TMTC1: variants seen among roughly 807,000 people sequenced by gnomAD.
TMTC1 encodes protein O-mannosyl-transferase TMTC1.
Under a neutral mutation model 104.8 loss-of-function variants are expected in TMTC1, and 73 were observed. The ratio of observed to expected loss-of-function variants is 0.70; its 90% CI spans 0.58 to 0.85. The LOEUF is 0.85. Ranked by LOEUF, TMTC1 falls within the 40% of genes least tolerant of loss-of-function variation. The probability of loss-of-function intolerance (pLI) is 0.00; values close to 1 mark genes in which losing one functional copy is unlikely to be tolerated. For missense variants in TMTC1, 1,035 were observed against 1,096.1 expected (o/e 0.94, Z 0.79); for synonymous variants, 434 against 428.7 (o/e 1.01, Z -0.15).
At chr12:29,728,588 G>T (rs190820020) in intron 5 of TMTC1, among the ~76,000 whole-genome samples, 1 of 152,186 alleles carries the variant, frequency 6.6e-6, no homozygotes, top group African/African-American at 2.4e-5. Context: ...GTCACACAAA[G>T]CAGATGAGCA....
chr12:29,529,478 A>G (rs1944438854), intron 11 of TMTC1, among the ~76,000 whole-genome samples: 1 of 152,230 alleles, frequency 6.6e-6, no homozygotes, highest in African/African-American at 2.4e-5. Flanking sequence ...TATTAGCCAA[A>G]TGGCTTTATT....
At chr12:29,517,386 G>A in intron 14 of TMTC1, 41 bp downstream of exon 14, 4 of 1,612,142 alleles carry the variant, frequency 2.5e-6, no homozygotes, top group Non-Finnish European at 3.4e-6. Flanking sequence ...ATGGCTGCCT[G>A]TGCTTAGGTT....
chr12:29,541,671 T>C (rs1220897617), intron 10 of TMTC1, among the ~76,000 whole-genome samples: 2 of 148,942 alleles, frequency 1.3e-5, no homozygotes, highest in Non-Finnish European at 3.0e-5. Context: ...TTTTTTTTTT[T>C]TTTTTGAGAC....
intron 9 of TMTC1, among the ~76,000 whole-genome samples, chr12:29,564,767 C>G (rs972224222): frequency 1.3e-5 from 2 of 152,124 alleles, no homozygotes; most frequent in Non-Finnish European, 2.9e-5. Flanking sequence ...AGGAGGAAAA[C>G]AAGAGATACA....
chr12:29,744,991 T>C (rs1355095474), intron 5 of TMTC1, among the ~76,000 whole-genome samples: 3 of 152,138 alleles, frequency 2.0e-5, no homozygotes, highest in South Asian at 4.1e-4. Flanking sequence ...AGTGGTGTGA[T>C]CATGGCTCAC....
intron 5 of TMTC1, among the ~76,000 whole-genome samples, chr12:29,642,464 A>T (rs1272517647): frequency 6.6e-6 from 1 of 152,188 alleles, no homozygotes; most frequent in African/African-American, 2.4e-5. Flanking sequence ...AACAATTATC[A>T]GTGAAGAATA....
chr12:29,687,260 GACAA>G (rs374893122), intron 5 of TMTC1, among the ~76,000 whole-genome samples: 1 of 152,060 alleles, frequency 6.6e-6, no homozygotes, highest in African/African-American at 2.4e-5. Context: ...ATGAGTAGTG[GACAA>G]ACAGACACTT....
intron 7 of TMTC1, among the ~76,000 whole-genome samples, chr12:29,596,554 A>C (rs765800714): frequency 1.3e-5 from 2 of 152,204 alleles, no homozygotes; most frequent in Non-Finnish European, 2.9e-5. Flanking sequence ...GCTGAAACTA[A>C]AGAATAATTG....
At chr12:29,599,986 G>GTGTGTATACATATATA (rs1565699720) in intron 7 of TMTC1, among the ~76,000 whole-genome samples, 17 of 99,114 alleles carry the variant, frequency 1.7e-4, no homozygotes, top group African/African-American at 1.1e-3. Flanking sequence ...GTGTGTGTGT[G>GTGTGTATACATATATA]TATATACATA....
chr12:29,729,005 A>G (rs1008289322), intron 5 of TMTC1, among the ~76,000 whole-genome samples: 1 of 150,482 alleles, frequency 6.6e-6, no homozygotes, highest in African/African-American at 2.4e-5. Flanking sequence ...CTCCAAAAAA[A>G]AAAAAAAAAA....
rs1057478797 is a variant in TMTC1 at position 29,596,285 on chromosome 12, G to T, written c.1250+7893C>A. Among the ~76,000 whole-genome samples the T allele has an allele frequency of 2.6e-5, 4 of 152,200 alleles. No homozygotes were observed. The South Asian group carries it at 6.2e-4, about 24-fold the overall frequency. ...GCCTCCCAAAGTGCTGGGATTACAG[G>T]TGTGACCCACTGTGCCTGGCTGACG... On this transcript the variant is annotated intron_variant, in intron 7 of 17. Transcript: ENST00000539277.
intron 6 of TMTC1, among the ~76,000 whole-genome samples, chr12:29,613,283 C>G (rs938125187): frequency 6.6e-6 from 1 of 152,180 alleles, no homozygotes; most frequent in Non-Finnish European, 1.5e-5. Flanking sequence ...AGGACCCCCA[C>G]CTGACACCCA....
chr12:29,609,477 A>G (rs1946787505), intron 6 of TMTC1, among the ~76,000 whole-genome samples: 1 of 152,198 alleles, frequency 6.6e-6, no homozygotes, highest in African/African-American at 2.4e-5. Flanking sequence ...TTCCTGGCAC[A>G]ACACCCCTAC....
intron 9 of TMTC1, among the ~76,000 whole-genome samples, chr12:29,565,763 C>G (rs1945494628): frequency 6.6e-6 from 1 of 152,176 alleles, no homozygotes; most frequent in South Asian, 2.1e-4. Context: ...AAGAGAATCT[C>G]TTGTACCCAG....
chr12:29,741,822 C>A (rs530986189), intron 5 of TMTC1, among the ~76,000 whole-genome samples: 2 of 152,142 alleles, frequency 1.3e-5, no homozygotes, highest in Non-Finnish European at 2.9e-5. Flanking sequence ...GTCTGGAGAT[C>A]GGCACCCAAT....
rs551724234 is a variant in TMTC1, at chr12:29,624,415, A to G, written c.1128+8732T>C. 3.3e-5 allele frequency among the ~76,000 whole-genome samples: 5 copies of G among 152,338 alleles called. No homozygotes were observed. In the South Asian group the frequency reaches 8.3e-4, roughly 25 times the overall value. ...AAAGGAAAGTAGGCGAAGGCTTAAAAAGATAGAGGTTTGATACTGTGTGTG... is the reference window on the plus strand; with the variant it reads ...AAAGGAAAGTAGGCGAAGGCTTAAAGAGATAGAGGTTTGATACTGTGTGTG... On this transcript the variant is annotated intron_variant, in intron 6 of 17. Transcript: ENST00000539277.
At chr12:29,510,031 T>C (rs931501647) in intron 17 of TMTC1, among the ~76,000 whole-genome samples, 8 of 152,204 alleles carry the variant, frequency 5.3e-5, no homozygotes, top group Admixed American at 2.6e-4. Context: ...ATTGAGCACA[T>C]TGCAGTTGTT....
intron 15 of TMTC1, 71 bp downstream of exon 15, chr12:29,516,277 TG>T: frequency 6.6e-7 from 1 of 1,524,486 alleles, no homozygotes; most frequent in Non-Finnish European, 8.9e-7. Flanking sequence ...ACACGCAAAC[TG>T]GAGAATCACT....
At chr12:29,742,292 T>C (rs988234855) in intron 5 of TMTC1, among the ~76,000 whole-genome samples, 1 of 152,182 alleles carries the variant, frequency 6.6e-6, no homozygotes, top group East Asian at 1.9e-4. Flanking sequence ...AAATTATATA[T>C]ATTAATTGCC....
Sources: allele counts gnomAD v4.1 joint callset (sites outside exome capture counted in the v4.1 genomes callset), GRCh38; gene constraint gnomAD v4.1.1; transcripts MANE v1.5; gene names NCBI Gene and HGNC (gene_info 2026-07-23, HGNC 2026-07-21).